The following ATG7 variants were observed in gnomAD, a reference collection of about 807,000 sequenced individuals.
ATG7 encodes ubiquitin-like modifier-activating enzyme ATG7.
A neutral mutation model predicts 82.4 loss-of-function variants in ATG7; 70 were observed. That is an observed-to-expected ratio of 0.85 (90% confidence interval 0.70 to 1.04). The LOEUF (loss-of-function observed/expected upper bound fraction) is 1.04. Ranked by LOEUF, ATG7 falls within the 50% of genes least tolerant of loss-of-function variation. The probability of loss-of-function intolerance (pLI) is 0.00; values close to 1 mark genes in which losing one functional copy is unlikely to be tolerated. For missense variants in ATG7, 792 were observed against 864.3 expected (o/e 0.92, Z 1.05); for synonymous variants, 287 against 313.0 (o/e 0.92, Z 0.88).
chr3:11,326,179 A>C (rs1198182199), intron 9 of ATG7, among the ~76,000 whole-genome samples: 2 of 152,202 alleles, frequency 1.3e-5, no homozygotes, highest in Non-Finnish European at 2.9e-5. Flanking sequence ...TGAGTTTTTC[A>C]CTACATCAGG....
intron 20 of ATG7, among the ~76,000 whole-genome samples, chr3:11,502,134 G>A (rs2091376393): frequency 4.0e-5 from 6 of 151,502 alleles, no homozygotes; most frequent in African/African-American, 1.5e-4. Context: ...GATAATGAGA[G>A]AATAAAAGTA....
chr3:11,573,948 A>G, the ATG7 span, among the ~76,000 whole-genome samples: 1 of 152,224 alleles, frequency 6.6e-6, no homozygotes, highest in Non-Finnish European at 1.5e-5. Flanking sequence ...GGATACAGTG[A>G]CAGACACATA....
At chr3:11,297,105 C>T (rs754889183) in intron 3 of ATG7, among the ~76,000 whole-genome samples, 23 of 152,242 alleles carry the variant, frequency 1.5e-4, no homozygotes, top group Admixed American at 3.9e-4. Context: ...TGCCTGTAAT[C>T]GCAGCACTTT....
At chr3:11,359,831 G>A (rs1459375295) in intron 15 of ATG7, among the ~76,000 whole-genome samples, 4 of 152,182 alleles carry the variant, frequency 2.6e-5, no homozygotes, top group African/African-American at 9.7e-5. Context: ...TGGTATGTGA[G>A]TTATATCTCA....
intron 20 of ATG7, among the ~76,000 whole-genome samples, chr3:11,478,989 AACACACACACACACAC>A (rs71628717): frequency 1.4e-5 from 1 of 73,134 alleles, no homozygotes; most frequent in Non-Finnish European, 2.4e-5. Flanking sequence ...GTATATTTAC[AACACACACACACACAC>A]ACACACACAC....
rs2076209508 is a variant in ATG7 at position 11,360,334 on chromosome 3, A to G, written c.1480-247A>G. On this transcript the variant is annotated intron_variant, in intron 15 of 20. Transcript: ENST00000693202. ...GTGCTGGGATTACAGGTTATGAGCC[A>G]CTATACCTGGTCTGTTATGAGTTTC... Among the ~76,000 whole-genome samples the G allele has an allele frequency of 3.3e-5, 5 of 152,206 alleles. No individual in the cohort carries two copies. In the South Asian group the frequency reaches 1.0e-3, roughly 32 times the overall value.
intron 20 of ATG7, among the ~76,000 whole-genome samples, chr3:11,454,488 A>G (rs915652534): frequency 2.0e-5 from 3 of 152,208 alleles, no homozygotes; most frequent in African/African-American, 7.2e-5. Flanking sequence ...CAGTTTGAGT[A>G]TGGAGACCAC....
At chr3:11,511,293 C>G (rs924212425) in intron 20 of ATG7, among the ~76,000 whole-genome samples, 2 of 152,086 alleles carry the variant, frequency 1.3e-5, no homozygotes, top group Non-Finnish European at 2.9e-5. Flanking sequence ...CTGATTGGTG[C>G]GTTTACAATC....
At chr3:11,496,390 AT>A (rs1295700636) in intron 20 of ATG7, among the ~76,000 whole-genome samples, 1 of 152,174 alleles carries the variant, frequency 6.6e-6, no homozygotes, top group East Asian at 1.9e-4. Flanking sequence ...TTTCCCAAGG[AT>A]AAGAGAATGT....
At chr3:11,311,603 C>CAA (rs1320350651) in intron 7 of ATG7, among the ~76,000 whole-genome samples, 1,653 of 82,194 alleles carry the variant, frequency 0.02, 36 homozygotes, top group African/African-American at 0.071. Context: ...AGACTGTCTC[C>CAA]AAAAAAAAAA....
chr3:11,387,334 C>T (rs982205225), intron 19 of ATG7, among the ~76,000 whole-genome samples: 2 of 152,176 alleles, frequency 1.3e-5, no homozygotes, highest in Non-Finnish European at 2.9e-5. Context: ...TTACTTTTGA[C>T]CTGTGGTTTT....
chr3:11,388,194 A>C lies in ATG7; in HGVS notation c.1956+8142A>C, dbSNP rs199507551. Among the ~76,000 whole-genome samples, 174 of 152,188 alleles carry C rather than the reference A, an allele frequency of 1.1e-3. 3 individuals carry two copies. Among genetic ancestry groups the C allele is most frequent in the African/African-American group, 4.1e-3 (169 of 41,524 alleles). On this transcript the variant is annotated intron_variant, in intron 19 of 20. Transcript: ENST00000693202. Reference sequence around the variant, plus strand: ...TACCTCTGGGGACTCCTTTTCCTCAACTGTAGTAAAGGGAGATGCAGGGGC... The same window carrying C: ...TACCTCTGGGGACTCCTTTTCCTCACCTGTAGTAAAGGGAGATGCAGGGGC...
chr3:11,327,508 G>C (rs1951044589), intron 9 of ATG7, among the ~76,000 whole-genome samples: 2 of 152,200 alleles, frequency 1.3e-5, no homozygotes, highest in South Asian at 4.1e-4. Flanking sequence ...TGGATAGGGT[G>C]TTGTGCAAGT....
rs116656503 is a variant in ATG7, at chr3:11,322,525, G to A, written c.678+7032G>A. ...GGTTTTTTTAATATACAAACTTTTTGTATATTTCCTTTTAATCCTGTGCAT... is the reference window on the plus strand; with the variant it reads ...GGTTTTTTTAATATACAAACTTTTTATATATTTCCTTTTAATCCTGTGCAT... On this transcript the variant is annotated intron_variant, in intron 9 of 20. Transcript: ENST00000693202. Among the ~76,000 whole-genome samples the A allele has an allele frequency of 2.6e-3, 399 of 151,946 alleles. 1 individual carries two copies. Among genetic ancestry groups the A allele is most frequent in the Non-Finnish European group, 4.6e-3 (310 of 67,944 alleles).
chr3:11,335,634 A>C (rs555004846), intron 11 of ATG7, among the ~76,000 whole-genome samples: 1 of 152,282 alleles, frequency 6.6e-6, no homozygotes, highest in East Asian at 1.9e-4. Context: ...TTTTATGACA[A>C]AGTCACTGAG....
At chr3:11,566,223 C>T in the ATG7 span, among the ~76,000 whole-genome samples, 1 of 151,968 alleles carries the variant, frequency 6.6e-6, no homozygotes. Flanking sequence ...GTTACACACA[C>T]GCACACCACA....
chr3:11,485,974 G>C (rs375339991), intron 20 of ATG7, among the ~76,000 whole-genome samples: 1 of 152,148 alleles, frequency 6.6e-6, no homozygotes, highest in African/African-American at 2.4e-5. Flanking sequence ...GTCAGGTAGC[G>C]TGATGCCTCC....
At chr3:11,373,499 G>A (rs1237858279) in intron 18 of ATG7, among the ~76,000 whole-genome samples, 2 of 152,172 alleles carry the variant, frequency 1.3e-5, no homozygotes, top group Admixed American at 6.5e-5. Flanking sequence ...TGTTAAACCT[G>A]CAGATTCTCA....
chr3:11,474,792 C>A (rs1219698634), intron 20 of ATG7, among the ~76,000 whole-genome samples: 1 of 152,064 alleles, frequency 6.6e-6, no homozygotes, highest in African/African-American at 2.4e-5. Flanking sequence ...CTGAGATGAC[C>A]CTCGTCTAGG....
Sources: gnomAD v4.1 joint callset for allele counts (sites outside exome capture counted in the v4.1 genomes callset) on GRCh38, gnomAD v4.1.1 for gene constraint, MANE v1.5 for transcripts, NCBI Gene and HGNC (gene_info 2026-07-23, HGNC 2026-07-21) for gene names.